MROH1: variants seen among roughly 807,000 people sequenced by gnomAD.
MROH1 encodes maestro heat-like repeat-containing protein family member 1.
MROH1 carries 117 observed loss-of-function variants against 116.5 expected under a neutral mutation model. The observed-to-expected ratio is 1.00, with a 90% CI of 0.86 to 1.17. The LOEUF (loss-of-function observed/expected upper bound fraction) is 1.17. MROH1 is among the 50% of genes most tolerant of loss of function. The pLI, the probability that MROH1 is intolerant of heterozygous loss-of-function variation, is 0.00. For missense variants in MROH1, 1,873 were observed against 1,338.5 expected (o/e 1.40, Z -6.23); for synonymous variants, 921 against 583.9 (o/e 1.58, Z -8.32).
chr8:144,253,135 C>A (rs1843120839), intron 33 of MROH1, among the ~76,000 whole-genome samples: 1 of 151,364 alleles, frequency 6.6e-6, no homozygotes, highest in African/African-American at 2.4e-5. Flanking sequence ...GCCTGGGCAA[C>A]AGAGCAAGAC....
At chr8:144,218,677 TCTCCCCTCCCCTCTCTC>T in intron 12 of MROH1, among the ~76,000 whole-genome samples, 1 of 39,618 alleles carries the variant, frequency 2.5e-5, no homozygotes, top group Non-Finnish European at 5.1e-5. Flanking sequence ...TCCCGTCCCC[TCTCCCCTCCCCTCTCTC>T]CTCCCCTCTC....
Position 144,163,706 on chromosome 8 carries a change from A to C in MROH1, c.-56-65A>C, listed in dbSNP as rs1394417647. 1.1e-6 allele frequency: 1 copy of C among 902,334 alleles called. No individual in the cohort carries two copies. Among genetic ancestry groups the C allele is most frequent in the African/African-American group, 1.7e-5 (1 of 59,836 alleles). 55.9% of individuals were successfully genotyped at this position (902,334 alleles called of 1,614,324 possible). A position where few individuals can be genotyped will look rare whatever the true frequency, so the allele number is the denominator to read the frequency against. On this transcript the variant is annotated intron_variant, in intron 2 of 43. Coordinates refer to ENST00000326134, the MANE Select transcript of MROH1 (RefSeq NM_032450.3). This position sits in a 1 kb window ranked among gnomAD's most constrained non-coding sequence, Gnocchi z 4.4. ...TTGTGTATTTTACATGGAAATGGTA[A>C]TTGCCTGTGAACTCAGATATCGTAG...
intron 3 of MROH1, among the ~76,000 whole-genome samples, chr8:144,167,752 CTA>C (rs1158324944): frequency 6.6e-6 from 1 of 152,150 alleles, no homozygotes; most frequent in Non-Finnish European, 1.5e-5. Flanking sequence ...TAGGATGAGG[CTA>C]TGTCTTTATT....
At chr8:144,208,479 C>T (rs1041047479) in intron 12 of MROH1, among the ~76,000 whole-genome samples, 2 of 150,236 alleles carry the variant, frequency 1.3e-5, no homozygotes, top group African/African-American at 4.9e-5. Flanking sequence ...CTGTCTGTAT[C>T]CCTATATCCC....
chr8:144,168,146 AT>A (rs1304338994), intron 3 of MROH1, 148 bp from the exon 4 acceptor site: 18 of 924,472 alleles, frequency 1.9e-5, no homozygotes, highest in Non-Finnish European at 2.8e-5. Flanking sequence ...GAGGGAGGTT[AT>A]ACAAGAGAGA....
intron 33 of MROH1, among the ~76,000 whole-genome samples, chr8:144,253,360 G>C (rs989318807): frequency 2.0e-5 from 3 of 152,250 alleles, no homozygotes; most frequent in Admixed American, 6.5e-5. Context: ...GTCTGTGGCT[G>C]CTCTCGCACT....
chr8:144,184,458 T>C (rs1406800307), intron 7 of MROH1, among the ~76,000 whole-genome samples: 1 of 152,078 alleles, frequency 6.6e-6, no homozygotes, highest in East Asian at 1.9e-4. Context: ...AGTCACATAA[T>C]TTGGATTGAT....
At chr8:144,233,354 T>G (rs1839316102) in intron 14 of MROH1, among the ~76,000 whole-genome samples, 1 of 140,184 alleles carries the variant, frequency 7.1e-6, no homozygotes, top group African/African-American at 2.7e-5. Flanking sequence ...GCACCCACCA[T>G]CAACCTTCCC....
chr8:144,218,132 G>A (rs1408715549), intron 12 of MROH1, among the ~76,000 whole-genome samples: 4 of 152,176 alleles, frequency 2.6e-5, no homozygotes, highest in Non-Finnish European at 4.4e-5. Flanking sequence ...CGCCCCGTCA[G>A]CCCCTATCCT....
chr8:144,169,483 C>T (rs1464329826), intron 4 of MROH1, among the ~76,000 whole-genome samples: 5 of 144,832 alleles, frequency 3.5e-5, no homozygotes, highest in South Asian at 2.1e-4. Flanking sequence ...GATGGAGTCT[C>T]ACTCTGTTGC....
Position 144,159,375 on chromosome 8 carries a change from G to C in MROH1, c.-176-1595G>C, listed in dbSNP as rs191154876. 3.4e-4 allele frequency among the ~76,000 whole-genome samples: 52 copies of C among 152,288 alleles called. No homozygotes were observed. In the East Asian group the frequency reaches 8.1e-3, roughly 24 times the overall value. On this transcript the variant is annotated intron_variant, in intron 1 of 43. Transcript: ENST00000326134. The stretch of plus-strand genomic sequence containing the variant: ...CTCCGTGTCAAAAAGAAAGGAGAGA[G>C]AGAGAAATGTTGAAATCTATACTGC...
At chr8:144,170,018 A>C (rs1822046934) in intron 4 of MROH1, among the ~76,000 whole-genome samples, 2 of 152,146 alleles carry the variant, frequency 1.3e-5, no homozygotes, top group South Asian at 2.1e-4. Flanking sequence ...GTTTTAGTAG[A>C]GATGGGGTTT....
chr8:144,148,189 G>A (rs1442241801), intron 1 of MROH1, 113 bp downstream of exon 1: 3 of 152,370 alleles, frequency 2.0e-5, no homozygotes, highest in African/African-American at 4.8e-5. Flanking sequence ...AGGAAGCCGA[G>A]TCAGGAGGCG....
intron 24 of MROH1, among the ~76,000 whole-genome samples, chr8:144,242,854 G>A (rs969210373): frequency 8.5e-5 from 13 of 152,162 alleles, no homozygotes; most frequent in African/African-American, 2.7e-4. Flanking sequence ...CCGAGGGGCC[G>A]GGTCGTGGGC....
chr8:144,167,874 T>C (rs553696375), intron 3 of MROH1, among the ~76,000 whole-genome samples: 3 of 152,314 alleles, frequency 2.0e-5, no homozygotes, highest in Non-Finnish European at 4.4e-5. Flanking sequence ...TGCCTGGGCA[T>C]AGACCCTCGG....
intron 4 of MROH1, among the ~76,000 whole-genome samples, chr8:144,172,755 A>G (rs1008812119): frequency 6.6e-6 from 1 of 151,994 alleles, no homozygotes; most frequent in Non-Finnish European, 1.5e-5. Context: ...CTCTGAATCC[A>G]CCTACGCCCT....
Position 144,240,602 on chromosome 8 carries a change from C to T in MROH1, c.1860C>T (p.Asp620=), listed in dbSNP as rs1840809332. ...GAGACACCCTGGCCATCATTTCTGA[C>T]AACGCGTGGATCTGCCAGCTGAGCC... ...FLRDTLAIIS[D]NAWICQLSLE... is the part of the protein sequence containing the mutation. The change falls in exon 20 of 44, where the codon GAC becomes GAT. Residue 620 remains aspartate (D), a synonymous_variant. Transcript: ENST00000326134. 2 of 717,428 alleles carry T rather than the reference C, an allele frequency of 2.8e-6. No homozygotes were observed. The highest frequency in any genetic ancestry group is 5.2e-6 in the Non-Finnish European group (2 of 384,950). The allele number at this position is 717,428 out of a possible 1,614,324, so 44.4% of individuals were successfully genotyped here. A position where few individuals can be genotyped will look rare whatever the true frequency, so the allele number is the denominator to read the frequency against.
intron 43 of MROH1, 135 bp downstream of exon 43, chr8:144,261,484 G>A: frequency 1.4e-6 from 1 of 694,324 alleles, no homozygotes; most frequent in Non-Finnish European, 2.6e-6. Context: ...GTAATTCACG[G>A]AAACTTCTTA....
At chr8:144,156,241 GAAAAAAAA>G (rs1218482716) in intron 1 of MROH1, among the ~76,000 whole-genome samples, 3 of 58,524 alleles carry the variant, frequency 5.1e-5, no homozygotes, top group Admixed American at 2.1e-4. Context: ...CCGTCTCAAA[GAAAAAAAA>G]AAAAAAAAAA....
Sources: gnomAD v4.1 joint callset for allele counts (sites outside exome capture counted in the v4.1 genomes callset) on GRCh38, gnomAD v4.1.1 for gene constraint, Gnocchi (gnomAD v3.1) non-coding constraint, MANE v1.5 for transcripts, NCBI Gene and HGNC (gene_info 2026-07-23, HGNC 2026-07-21) for gene names.